The following MPPED2 variants were observed in gnomAD, a reference collection of about 807,000 sequenced individuals.
MPPED2 encodes the protein metallophosphoesterase MPPED2.
In MPPED2, 5 loss-of-function variants were observed where a neutral mutation model predicts 33.0. The ratio of observed to expected loss-of-function variants is 0.15; its 90% CI spans 0.08 to 0.32. MPPED2 has a LOEUF of 0.32. Ranked by LOEUF, MPPED2 falls within the 10% of genes least tolerant of loss-of-function variation. MPPED2 has a pLI of 1.00. For missense variants in MPPED2, 275 were observed against 372.1 expected, an observed-to-expected ratio of 0.74 and a Z score of 2.15; for synonymous variants, 136 against 141.9, an observed-to-expected ratio of 0.96 and a Z score of 0.29.
chr11:30,476,892 A>C (rs1031534225), intron 4 of MPPED2, among the ~76,000 whole-genome samples: 1 of 151,834 alleles, frequency 6.6e-6, no homozygotes, highest in East Asian at 1.9e-4. Flanking sequence ...GTCTTCTTTA[A>C]TTTTTTCAGC....
chr11:30,413,776 T>C (rs919152375), intron 6 of MPPED2, among the ~76,000 whole-genome samples: 1 of 152,234 alleles, frequency 6.6e-6, no homozygotes, highest in Non-Finnish European at 1.5e-5. Flanking sequence ...TGCCTTGTCT[T>C]CCTGGGTCTT....
chr11:30,445,969 C>G (rs147386405), intron 4 of MPPED2, among the ~76,000 whole-genome samples: 1 of 152,182 alleles, frequency 6.6e-6, no homozygotes, highest in Non-Finnish European at 1.5e-5. Context: ...ACTCTCTTCC[C>G]TAGTGTCACT....
intron 3 of MPPED2, among the ~76,000 whole-genome samples, chr11:30,520,835 G>A (rs1953832651): frequency 6.6e-6 from 1 of 152,200 alleles, no homozygotes; most frequent in Non-Finnish European, 1.5e-5. Flanking sequence ...GTTGTTCACT[G>A]TACAAGAAGA....
intron 3 of MPPED2, among the ~76,000 whole-genome samples, chr11:30,517,828 C>G (rs1422190139): frequency 6.6e-6 from 1 of 152,116 alleles, no homozygotes; most frequent in Non-Finnish European, 1.5e-5. Context: ...TCCATAATTA[C>G]CTTAGTAAAA....
chr11:30,393,949 GC>G (rs1328247075), intron 6 of MPPED2, among the ~76,000 whole-genome samples: 1 of 152,158 alleles, frequency 6.6e-6, no homozygotes, highest in Non-Finnish European at 1.5e-5. Flanking sequence ...TTGTAGTCAT[GC>G]TTTGCCCCCA....
intron 4 of MPPED2, among the ~76,000 whole-genome samples, chr11:30,423,299 A>G (rs1948692733): frequency 6.6e-6 from 1 of 152,188 alleles, no homozygotes; most frequent in Non-Finnish European, 1.5e-5. Flanking sequence ...CTGGTGTTAC[A>G]AATCAACGTC....
intron 4 of MPPED2, among the ~76,000 whole-genome samples, chr11:30,439,852 T>C (rs1357382833): frequency 1.3e-5 from 2 of 152,262 alleles, no homozygotes; most frequent in East Asian, 1.9e-4. Flanking sequence ...TTATTAACTA[T>C]ATTGCCTTAA....
chr11:30,412,103 C>T (rs933624268), intron 6 of MPPED2, among the ~76,000 whole-genome samples: 10 of 151,638 alleles, frequency 6.6e-5, no homozygotes, highest in Non-Finnish European at 1.3e-4. Flanking sequence ...ACTGCCTTTA[C>T]GAAAGTCAAC....
intron 4 of MPPED2, among the ~76,000 whole-genome samples, chr11:30,481,452 G>A (rs983908740): frequency 1.3e-5 from 2 of 152,114 alleles, no homozygotes; most frequent in Non-Finnish European, 2.9e-5. Context: ...CTGAACCACA[G>A]CCTGACAAGG....
At chr11:30,390,725 G>A (rs1329978624) in intron 6 of MPPED2, among the ~76,000 whole-genome samples, 1 of 152,206 alleles carries the variant, frequency 6.6e-6, no homozygotes, top group Non-Finnish European at 1.5e-5. Context: ...TGGCTCCAAG[G>A]TTGCTGTGCC....
At chr11:30,425,162 G>T (rs1948777289) in intron 4 of MPPED2, among the ~76,000 whole-genome samples, 1 of 152,138 alleles carries the variant, frequency 6.6e-6, no homozygotes. Context: ...TGTGCCTGAG[G>T]TGGTCACCTG....
At chr11:30,424,243 G>T (rs1279189384) in intron 4 of MPPED2, among the ~76,000 whole-genome samples, 1 of 152,176 alleles carries the variant, frequency 6.6e-6, no homozygotes, top group Non-Finnish European at 1.5e-5. Flanking sequence ...GTGAAGAGAG[G>T]TTCACCGAAG....
In MPPED2 at chr11:30,583,149, T is replaced by C. The variant is rs999332568; in HGVS notation, c.-121-2655A>G. 9.1e-3 allele frequency among the ~76,000 whole-genome samples: 409 copies of C among 44,860 alleles called. 7 individuals are homozygous for C. The highest frequency in any genetic ancestry group is 0.016 in the Non-Finnish European group (272 of 16,774). The allele number at this position is 44,860 out of a possible 152,430, so 29.4% of individuals were successfully genotyped here. Reference sequence around the variant, plus strand: ...AAGACTTTTTCTTTTTTTTTTTTTTTTTTTTTTTTTTTTTTTGGTAAACTC... The same window carrying C: ...AAGACTTTTTCTTTTTTTTTTTTTTCTTTTTTTTTTTTTTTTGGTAAACTC... On this transcript the variant is annotated intron_variant, in intron 1 of 6. Transcript: ENST00000358117.
chr11:30,510,436 T>C lies in MPPED2; in HGVS notation c.311-14915A>G, dbSNP rs79856180. 7.3e-3 allele frequency among the ~76,000 whole-genome samples: 1,114 copies of C among 152,340 alleles called. 6 individuals are homozygous for C. The highest frequency in any genetic ancestry group is 0.012 in the Non-Finnish European group (834 of 68,032). On this transcript the variant is annotated intron_variant, in intron 3 of 6. Coordinates refer to ENST00000358117, the MANE Select transcript of MPPED2 (RefSeq NM_001584.3). ...TTATTTTCATCAATAACTAAGGGGC[T>C]ACATTTGCTTATCCTCAGCCAATAC...
At chr11:30,409,034 C>T (rs912741353), downstream of MPPED2, among the ~76,000 whole-genome samples, 2 of 152,192 alleles carry the variant, frequency 1.3e-5, no homozygotes, top group African/African-American at 4.8e-5. Context: ...AGTTTTAGTA[C>T]ACTGGGTAGC....
chr11:30,447,751 C>G (rs929794964), intron 4 of MPPED2, among the ~76,000 whole-genome samples: 1 of 152,110 alleles, frequency 6.6e-6, no homozygotes, highest in Non-Finnish European at 1.5e-5. Flanking sequence ...TTGCTGATAG[C>G]TAGAGGGGTC....
intron 4 of MPPED2, among the ~76,000 whole-genome samples, chr11:30,451,020 A>G (rs530480): frequency 0.12 from 17,715 of 152,230 alleles, 1,368 homozygotes; most frequent in East Asian, 0.24. Flanking sequence ...GCACAATTGT[A>G]TCATGAGACA....
At chr11:30,538,688 T>C (rs1259314770) in intron 2 of MPPED2, among the ~76,000 whole-genome samples, 1 of 152,066 alleles carries the variant, frequency 6.6e-6, no homozygotes, top group Non-Finnish European at 1.5e-5. Context: ...CTTCTCAGCT[T>C]TGAGTCCAAA....
chr11:30,580,283 T>C lies in MPPED2; in HGVS notation c.91A>G (p.Ile31Val), dbSNP rs1208634705. The C allele has an allele frequency of 8.7e-6, 14 of 1,614,042 alleles. No individual in the cohort carries two copies. The highest frequency in any genetic ancestry group is 1.1e-5 in the Non-Finnish European group (13 of 1,180,008). Residue 31 changes from isoleucine (I) to valine (V), a missense_variant, in exon 2 of 7, where the codon ATC (isoleucine) becomes GTC (valine). Coordinates refer to ENST00000358117, the MANE Select transcript of MPPED2 (RefSeq NM_001584.3). ...NPTQAFTHYN[I>V]NQSRFQPPHV... Reference sequence around the variant, plus strand: ...GGAGGCTGGAATCTGCTCTGGTTGATGTTGTAGTGCGTGAATGCCTGGGTG... The same window carrying C: ...GGAGGCTGGAATCTGCTCTGGTTGACGTTGTAGTGCGTGAATGCCTGGGTG...
Sources: gnomAD v4.1 joint callset for allele counts (sites outside exome capture counted in the v4.1 genomes callset) on GRCh38, gnomAD v4.1.1 for gene constraint, MANE v1.5 for transcripts, NCBI Gene and HGNC (gene_info 2026-07-23, HGNC 2026-07-21) for gene names.